Variants in PIK3CD observed in about 807,000 individuals in gnomAD.
PIK3CD encodes the protein phosphatidylinositol 4,5-bisphosphate 3-kinase catalytic subunit delta isoform.
A neutral mutation model predicts 122.9 loss-of-function variants in PIK3CD; 20 were observed. That is an observed-to-expected ratio of 0.16 (90% CI 0.11 to 0.24). PIK3CD has a LOEUF of 0.24. Ranked by LOEUF, PIK3CD falls within the 10% of genes least tolerant of loss-of-function variation. The probability of loss-of-function intolerance (pLI) is 1.00; values close to 1 mark genes in which losing one functional copy is unlikely to be tolerated. For missense variants in PIK3CD, 787 were observed against 1,406.3 expected (o/e 0.56, Z 7.04); for synonymous variants, 596 against 593.4 (o/e 1.00, Z -0.06).
rs1264688314 is a variant in PIK3CD at position 9,720,583 on chromosome 1, G to A, written c.1471-28G>A. On this transcript the variant is annotated intron_variant, in intron 11 of 23. Coordinates refer to ENST00000377346, the MANE Select transcript of PIK3CD (RefSeq NM_005026.5). This position sits in a 1 kb window ranked among gnomAD's most constrained non-coding sequence, Gnocchi z 9.0. Reference sequence around the variant, plus strand: ...TGCCCGGGCTGGTCCAGGCCCCTGGGGACGCTGAGTGCAGCCGTTTGTTGC... The same window carrying A: ...TGCCCGGGCTGGTCCAGGCCCCTGGAGACGCTGAGTGCAGCCGTTTGTTGC... 2 of 1,549,762 alleles carry A rather than the reference G, an allele frequency of 1.3e-6. No homozygotes were observed. The highest frequency in any genetic ancestry group is 1.2e-5 in the South Asian group (1 of 84,018).
intron 2 of PIK3CD, among the ~76,000 whole-genome samples, chr1:9,705,596 C>T (rs977194673): frequency 2.0e-5 from 3 of 152,060 alleles, no homozygotes; most frequent in African/African-American, 4.8e-5. Flanking sequence ...AAATATTTCC[C>T]GCTCATTCAA....
the PIK3CD span, among the ~76,000 whole-genome samples, chr1:9,633,767 G>C: frequency 5.3e-5 from 8 of 152,174 alleles, no homozygotes; most frequent in African/African-American, 1.9e-4. Context: ...GGGATAGAAA[G>C]AAGGTTTTTT....
At chr1:9,658,192 G>A (rs1174365676) in intron 1 of PIK3CD, among the ~76,000 whole-genome samples, 2 of 151,932 alleles carry the variant, frequency 1.3e-5, no homozygotes, top group African/African-American at 4.8e-5. Flanking sequence ...AGACCAGCCT[G>A]GGCAACATAG....
chr1:9,685,796 G>C (rs190710319), intron 1 of PIK3CD, among the ~76,000 whole-genome samples: 1 of 150,212 alleles, frequency 6.7e-6, no homozygotes, highest in African/African-American at 2.5e-5. Flanking sequence ...AAACTCAAGC[G>C]ATCCTCCTGC....
the PIK3CD span, among the ~76,000 whole-genome samples, chr1:9,637,388 G>A: frequency 1.3e-5 from 2 of 152,212 alleles, no homozygotes; most frequent in East Asian, 3.9e-4. Flanking sequence ...AATTAGCTAG[G>A]CATGGTGGTG....
intron 5 of PIK3CD, 99 bp downstream of exon 5, chr1:9,716,177 G>A (rs933579322): frequency 7.6e-6 from 8 of 1,058,764 alleles, no homozygotes; most frequent in Non-Finnish European, 1.1e-5. Flanking sequence ...CCCTCCCCCA[G>A]TGGCATCAGA....
At chr1:9,653,728 C>T (rs1014674344) in intron 1 of PIK3CD, 3 of 1,162,728 alleles carry the variant, frequency 2.6e-6, no homozygotes, top group African/African-American at 1.6e-5. Context: ...CTTTGGCTCT[C>T]TCTAGAGCAG....
the PIK3CD span, among the ~76,000 whole-genome samples, chr1:9,629,412 G>A: frequency 1.3e-5 from 2 of 151,888 alleles, no homozygotes; most frequent in Non-Finnish European, 2.9e-5. Context: ...ACCACCAGCC[G>A]AGAATGAGGA....
rs1418062030 is a variant in PIK3CD, at chr1:9,719,248, A to G, written c.1242+333A>G. Among the ~76,000 whole-genome samples the G allele has an allele frequency of 6.6e-6, 1 of 152,112 alleles. No individual in the cohort carries two copies. The highest frequency in any genetic ancestry group is 1.9e-4 in the East Asian group (1 of 5,182). On this transcript the variant is annotated intron_variant, in intron 9 of 23. Transcript: ENST00000377346. The surrounding 1 kb of genome is among the most constrained non-coding windows in gnomAD (Gnocchi z 5.5). ...AAGCCTGAGTCAGCGGCTGGCCGGG[A>G]GGCGTAGTGGCTGGGTGCTGAGTCA...
chr1:9,645,020 CT>C, the PIK3CD span, among the ~76,000 whole-genome samples: 1 of 120,746 alleles, frequency 8.3e-6, no homozygotes, highest in Admixed American at 8.3e-5. Flanking sequence ...CTTTTCTTTT[CT>C]TTTCTTTTTT....
At position 9,700,945 on chromosome 1, in the gene PIK3CD, C is replaced by A. The variant is rs1646603142; in HGVS notation, c.-33+9374C>A. ...ATTCCGTTGCTCTCCAGTGCTGTCT[C>A]CTTCTGGGTCAAGCCACTGTCATTA... On this transcript the variant is annotated intron_variant, in intron 2 of 23. Transcript: ENST00000377346. This position sits in a 1 kb window ranked among gnomAD's most constrained non-coding sequence, Gnocchi z 5.1. 6.6e-6 allele frequency among the ~76,000 whole-genome samples: 1 copy of A among 152,152 alleles called. No homozygotes were observed. The highest frequency in any genetic ancestry group is 2.4e-5 in the African/African-American group (1 of 41,428).
chr1:9,716,290 C>T (rs948293805), intron 5 of PIK3CD, 150 bp from the exon 6 acceptor site: 2 of 850,368 alleles, frequency 2.4e-6, no homozygotes, highest in Non-Finnish European at 3.8e-6. Flanking sequence ...CATTGGGCAT[C>T]AGTTTGTTCA....
chr1:9,643,365 G>T, the PIK3CD span, among the ~76,000 whole-genome samples: 2 of 148,336 alleles, frequency 1.3e-5, no homozygotes, highest in Non-Finnish European at 3.0e-5. Context: ...CTAAGATCAC[G>T]CAATTGCACT....
At position 9,720,390 on chromosome 1, in the gene PIK3CD, T is replaced by C; in HGVS notation, c.1470+148T>C. The C allele has an allele frequency of 7.3e-7, 1 of 1,369,902 alleles. No homozygotes were observed. Among genetic ancestry groups the C allele is most frequent in the Non-Finnish European group, 9.8e-7 (1 of 1,016,470 alleles). The allele number at this position is 1,369,902 out of a possible 1,614,324, so 84.9% of individuals were successfully genotyped here. ...GGGCCTTCCCAGGGGCCATTTTGCCTGCAGGGATGCTGCGCAGTCTGATGA... is the reference window on the plus strand; with the variant it reads ...GGGCCTTCCCAGGGGCCATTTTGCCCGCAGGGATGCTGCGCAGTCTGATGA... On this transcript the variant is annotated intron_variant, in intron 11 of 23. Coordinates refer to ENST00000377346, the MANE Select transcript of PIK3CD (RefSeq NM_005026.5). This position sits in a 1 kb window ranked among gnomAD's most constrained non-coding sequence, Gnocchi z 9.0.
At chr1:9,656,231 C>A (rs1482586247) in intron 1 of PIK3CD, among the ~76,000 whole-genome samples, 1 of 152,110 alleles carries the variant, frequency 6.6e-6, no homozygotes, top group Non-Finnish European at 1.5e-5. Flanking sequence ...GGTTAAGTAT[C>A]CCTTATCCAA....
At chr1:9,676,391 C>A (rs905215090) in intron 1 of PIK3CD, among the ~76,000 whole-genome samples, 5 of 152,234 alleles carry the variant, frequency 3.3e-5, no homozygotes, top group Admixed American at 6.5e-5. Context: ...GTCCTTGTGT[C>A]TGATGGAGTT....
chr1:9,676,142 G>C (rs1023676461), intron 1 of PIK3CD, among the ~76,000 whole-genome samples: 2 of 152,050 alleles, frequency 1.3e-5, no homozygotes, highest in African/African-American at 2.4e-5. Flanking sequence ...ATGTTGGCCA[G>C]GCTGGTCCTG....
At chr1:9,661,264 G>T (rs902941930) in intron 1 of PIK3CD, among the ~76,000 whole-genome samples, 21 of 151,932 alleles carry the variant, frequency 1.4e-4, no homozygotes, top group African/African-American at 5.1e-4. Flanking sequence ...ATTTTTAGTA[G>T]AGATGGGGTT....
In PIK3CD at chr1:9,718,263, C is replaced by A. The variant is rs1234656210; in HGVS notation, c.1021-431C>A. 2 of 467,502 alleles carry A rather than the reference C, an allele frequency of 4.3e-6. No individual in the cohort carries two copies. Among genetic ancestry groups the A allele is most frequent in the Non-Finnish European group, 8.5e-6 (2 of 236,202 alleles). 29.0% of individuals were successfully genotyped at this position (467,502 alleles called of 1,614,324 possible). ...GAGGGGGACTGGATCAGAGGGACTTCCAGGGTGGTGGTGTCAGGTGGAATT... is the reference window on the plus strand; with the variant it reads ...GAGGGGGACTGGATCAGAGGGACTTACAGGGTGGTGGTGTCAGGTGGAATT... On this transcript the variant is annotated intron_variant, in intron 8 of 23. Transcript: ENST00000377346. The surrounding 1 kb of genome is among the most constrained non-coding windows in gnomAD (Gnocchi z 7.2).
Sources: gnomAD v4.1 joint callset for allele counts (sites outside exome capture counted in the v4.1 genomes callset) on GRCh38, gnomAD v4.1.1 for gene constraint, Gnocchi (gnomAD v3.1) non-coding constraint, MANE v1.5 for transcripts, NCBI Gene and HGNC (gene_info 2026-07-23, HGNC 2026-07-21) for gene names.